The following RHBDL3 variants were observed in gnomAD, a reference collection of about 807,000 sequenced individuals.
RHBDL3 encodes rhomboid like 3.
In RHBDL3, 28 loss-of-function variants were observed where a neutral mutation model predicts 48.2. That is an observed-to-expected ratio of 0.58 (90% CI 0.43 to 0.80). The LOEUF is 0.80. Ranked by LOEUF, RHBDL3 falls within the 30% of genes least tolerant of loss-of-function variation. RHBDL3 has a pLI of 0.00. For missense variants in RHBDL3, 464 were observed against 542.7 expected (o/e 0.85, Z 1.44); for synonymous variants, 208 against 232.3 (o/e 0.90, Z 0.95).
chr17:32,297,278 C>G (rs1239813722), intron 5 of RHBDL3, among the ~76,000 whole-genome samples: 151 of 152,090 alleles, frequency 9.9e-4, no homozygotes, highest in South Asian at 9.3e-3. Context: ...GACCAGCCTG[C>G]CTAACATGGT....
chr17:32,308,067 G>C (rs1363821863), intron 7 of RHBDL3, among the ~76,000 whole-genome samples: 3 of 152,208 alleles, frequency 2.0e-5, no homozygotes, highest in African/African-American at 7.2e-5. Flanking sequence ...GGTGAAGGCA[G>C]ACCACTGAAG....
chr17:32,315,489 G>C (rs796070896), intron 7 of RHBDL3, among the ~76,000 whole-genome samples: 8 of 152,274 alleles, frequency 5.3e-5, no homozygotes, highest in African/African-American at 1.9e-4. Flanking sequence ...TCTCAGGGGA[G>C]AGAGGGAGTT....
At chr17:32,300,188 C>G (rs1431184201) in intron 6 of RHBDL3, among the ~76,000 whole-genome samples, 4 of 152,156 alleles carry the variant, frequency 2.6e-5, no homozygotes, top group Non-Finnish European at 5.9e-5. Flanking sequence ...GTGATCTCAA[C>G]CACTATAATA....
At chr17:32,270,968 G>A (rs2039759055) in intron 2 of RHBDL3, among the ~76,000 whole-genome samples, 1 of 152,036 alleles carries the variant, frequency 6.6e-6, no homozygotes, top group African/African-American at 2.4e-5. Flanking sequence ...AGCCAAGGTG[G>A]GCAGATCGCT....
chr17:32,267,119 G>T (rs538086471), intron 1 of RHBDL3, among the ~76,000 whole-genome samples: 21 of 152,298 alleles, frequency 1.4e-4, no homozygotes, highest in African/African-American at 4.6e-4. Flanking sequence ...CTCCCTCAGG[G>T]TGGGGAGATG....
chr17:32,323,584 G>A lies in RHBDL3; in HGVS notation c.*2355G>A, dbSNP rs2041192444. 1 of 152,120 alleles carries A rather than the reference G, an allele frequency of 6.6e-6. No individual in the cohort carries two copies. Among genetic ancestry groups the A allele is most frequent in the South Asian group, 2.1e-4 (1 of 4,822 alleles). The allele number at this position is 152,120 out of a possible 1,614,324, so 9.4% of individuals were successfully genotyped here. ...GGAGAGGGGGCTTCCTCTCTTAGGG[G>A]TGAGAAAGCATTGAACTAGAAGATT... On this transcript the variant is annotated 3_prime_UTR_variant, in exon 9 of 9. Coordinates refer to ENST00000269051, the MANE Select transcript of RHBDL3 (RefSeq NM_138328.3).
At chr17:32,284,354 C>CTCAT (rs1381286433) in intron 2 of RHBDL3, 2 of 296,460 alleles carry the variant, frequency 6.7e-6, no homozygotes, top group Non-Finnish European at 1.3e-5. Context: ...TCTTCCTGCA[C>CTCAT]TCATTGCCTT....
At chr17:32,295,509 A>C (rs2040425673) in intron 5 of RHBDL3, among the ~76,000 whole-genome samples, 1 of 152,236 alleles carries the variant, frequency 6.6e-6, no homozygotes, top group Admixed American at 6.5e-5. Flanking sequence ...ACATCCACTC[A>C]TGAGCCAGGG....
intron 6 of RHBDL3, among the ~76,000 whole-genome samples, chr17:32,299,018 C>T (rs898198031): frequency 1.3e-5 from 2 of 149,450 alleles, no homozygotes; most frequent in South Asian, 2.1e-4. Flanking sequence ...GGATCTCCCT[C>T]GTGATGTCTC....
intron 6 of RHBDL3, among the ~76,000 whole-genome samples, chr17:32,302,413 G>A (rs2040605187): frequency 1.3e-5 from 2 of 151,992 alleles, no homozygotes; most frequent in African/African-American, 4.8e-5. Flanking sequence ...CTGGAGTGTA[G>A]TGGCACGATC....
At chr17:32,297,480 AAAAC>A (rs756445172) in intron 5 of RHBDL3, among the ~76,000 whole-genome samples, 7 of 152,034 alleles carry the variant, frequency 4.6e-5, no homozygotes, top group Admixed American at 2.6e-4. Context: ...AAACAAAACA[AAAAC>A]AAACAAACAA....
At chr17:32,288,381 G>A (rs958627959) in intron 3 of RHBDL3, 4 of 198,510 alleles carry the variant, frequency 2.0e-5, no homozygotes, top group Admixed American at 5.3e-5. Flanking sequence ...TAATGAGCCT[G>A]ACACTTAGTA....
intron 6 of RHBDL3, among the ~76,000 whole-genome samples, chr17:32,304,289 C>T (rs1185432253): frequency 6.6e-6 from 1 of 152,148 alleles, no homozygotes; most frequent in African/African-American, 2.4e-5. Flanking sequence ...TGTGATTTAG[C>T]TGGGCTGGAG....
At chr17:32,316,442 G>A in intron 8 of RHBDL3, 150 bp downstream of exon 8, 1 of 605,786 alleles carries the variant, frequency 1.7e-6, no homozygotes, top group Admixed American at 2.8e-5. Flanking sequence ...GATATTGTGA[G>A]AGCTGTCTGT....
At chr17:32,308,976 G>C (rs2040774572) in intron 7 of RHBDL3, among the ~76,000 whole-genome samples, 1 of 152,066 alleles carries the variant, frequency 6.6e-6, no homozygotes, top group Non-Finnish European at 1.5e-5. Context: ...TGAGGCAGTA[G>C]AATCACTTGA....
rs777952607 is a variant in RHBDL3 at position 32,284,794 on chromosome 17, G to A, written c.271G>A (p.Gly91Ser). 1.7e-5 allele frequency: 27 copies of A among 1,613,822 alleles called. No homozygotes were observed. The highest frequency in any genetic ancestry group is 1.0e-4 in the Admixed American group (6 of 60,000). Reference protein sequence around the residue: ...LADSHADGQIGYQDFVSLMSN... With the variant: ...LADSHADGQISYQDFVSLMSN... ...CGACAGCCACGCGGATGGGCAGATC[G>A]GCTACCAGGATTTTGTCAGCCTAGT... is the stretch of plus-strand genomic sequence containing the variant. The change falls in exon 3 of 9, where the codon GGC becomes AGC. Residue 91 changes from glycine (G) to serine (S), a missense_variant. Transcript: ENST00000269051.
intron 1 of RHBDL3, among the ~76,000 whole-genome samples, chr17:32,267,259 C>T (rs867296264): frequency 6.6e-6 from 1 of 152,132 alleles, no homozygotes. Context: ...CCCTAAACCC[C>T]TGGCAGAATC....
intron 4 of RHBDL3, among the ~76,000 whole-genome samples, chr17:32,289,904 C>CT (rs2040287825): frequency 6.6e-6 from 1 of 152,230 alleles, no homozygotes; most frequent in Admixed American, 6.5e-5. Context: ...TCCTTCTTTT[C>CT]TTCTAAGTCA....
chr17:32,284,866 A>G (rs60163475), intron 3 of RHBDL3, 49 bp downstream of exon 3: 314,188 of 1,514,818 alleles, frequency 0.21, 34,054 homozygotes, highest in African/African-American at 0.31. Flanking sequence ...TTTGAGGGTT[A>G]TGGCTTCCAC....
Sources: allele counts gnomAD v4.1 joint callset (sites outside exome capture counted in the v4.1 genomes callset), GRCh38; gene constraint gnomAD v4.1.1; transcripts MANE v1.5; gene names NCBI Gene and HGNC (gene_info 2026-07-23, HGNC 2026-07-21).